ZNF804B: variants seen among roughly 807,000 people sequenced by gnomAD.
The protein encoded by ZNF804B is zinc finger protein 804B.
A neutral mutation model predicts 101.4 loss-of-function variants in ZNF804B; 80 were observed. The observed-to-expected ratio is 0.79, with a 90% CI of 0.66 to 0.95. The LOEUF is 0.95. Among genes scored for constraint, ZNF804B ranks in the 40% least tolerant of loss-of-function variants. ZNF804B has a pLI of 0.00. For synonymous variants in ZNF804B, 622 were observed against 558.8 expected (o/e 1.11, Z -1.59); for missense variants, 1,673 against 1,561.9 (o/e 1.07, Z -1.20).
At chr7:88,882,169 A>G (rs1314403429) in intron 1 of ZNF804B, among the ~76,000 whole-genome samples, 2 of 152,162 alleles carry the variant, frequency 1.3e-5, no homozygotes, top group African/African-American at 4.8e-5. Flanking sequence ...TCATTTTTAG[A>G]ATTAACAATG....
chr7:88,822,927 T>C (rs778553294), intron 1 of ZNF804B, among the ~76,000 whole-genome samples: 1 of 152,076 alleles, frequency 6.6e-6, no homozygotes, highest in African/African-American at 2.4e-5. Context: ...ATGCAATAAA[T>C]AGGCCGGACA....
At chr7:89,193,490 GTGT>G (rs1316171054) in intron 1 of ZNF804B, among the ~76,000 whole-genome samples, 1 of 121,254 alleles carries the variant, frequency 8.2e-6, no homozygotes, top group African/African-American at 3.3e-5. Flanking sequence ...AGTCCCCAGA[GTGT>G]GATGTTCCCC....
chr7:89,255,686 T>C (rs1012542199), intron 2 of ZNF804B, among the ~76,000 whole-genome samples: 1 of 152,164 alleles, frequency 6.6e-6, no homozygotes, highest in Non-Finnish European at 1.5e-5. Flanking sequence ...GAAATAATTT[T>C]TTAATAAAAT....
chr7:88,901,512 A>G (rs564289088), intron 1 of ZNF804B, among the ~76,000 whole-genome samples: 1 of 151,818 alleles, frequency 6.6e-6, no homozygotes, highest in Non-Finnish European at 1.5e-5. Context: ...GCATTCCATT[A>G]TCCTTGTACA....
Position 89,239,309 on chromosome 7 carries a change from A to G in ZNF804B, c.249+21014A>G, listed in dbSNP as rs1012664690. On this transcript the variant is annotated intron_variant, in intron 2 of 3. Coordinates refer to ENST00000333190, the MANE Select transcript of ZNF804B (RefSeq NM_181646.5). ...CTGCCAATCAGGAAATGAGATGGCA[A>G]CCACAACATCATTTCTGAACTCTTC... Among the ~76,000 whole-genome samples, 4 of 152,146 alleles carry G rather than the reference A, an allele frequency of 2.6e-5. No homozygotes were observed. In the East Asian group the frequency reaches 7.7e-4, roughly 29 times the overall value.
chr7:88,925,400 C>T (rs193198340), intron 1 of ZNF804B, among the ~76,000 whole-genome samples: 20 of 152,126 alleles, frequency 1.3e-4, no homozygotes, highest in African/African-American at 3.9e-4. Flanking sequence ...TCTAAATAGG[C>T]GACTACATTA....
intron 2 of ZNF804B, among the ~76,000 whole-genome samples, chr7:89,273,926 GATT>G (rs1789936423): frequency 8.7e-6 from 1 of 115,340 alleles, no homozygotes; most frequent in South Asian, 2.9e-4. Flanking sequence ...CTCAATAAGA[GATT>G]TTTTTCTTTT....
chr7:89,333,874 A>G lies in ZNF804B; in HGVS notation c.892A>G (p.Ile298Val). The G allele has an allele frequency of 6.2e-7, 1 of 1,613,428 alleles. No homozygotes were observed. Among genetic ancestry groups the G allele is most frequent in the Non-Finnish European group, 8.5e-7 (1 of 1,179,716 alleles). ...LESVLHNTIS[I>V]NSKILQDKHD... ...AAGTGTTTTACACAATACCATCTCCATAAACTCTAAAATTTTGCAAGACAA... is the reference window on the plus strand; with the variant it reads ...AAGTGTTTTACACAATACCATCTCCGTAAACTCTAAAATTTTGCAAGACAA... Residue 298 changes from isoleucine to valine, a missense_variant, in exon 4 of 4, where the codon ATA becomes GTA. Coordinates refer to ENST00000333190, the MANE Select transcript of ZNF804B (RefSeq NM_181646.5).
chr7:88,899,215 AT>A (rs910903363), intron 1 of ZNF804B, among the ~76,000 whole-genome samples: 7 of 152,060 alleles, frequency 4.6e-5, no homozygotes, highest in South Asian at 2.1e-4. Flanking sequence ...ATCTTCAACA[AT>A]TTTTTTTCTT....
At chr7:89,105,567 G>C (rs147112584) in intron 1 of ZNF804B, among the ~76,000 whole-genome samples, 1 of 152,020 alleles carries the variant, frequency 6.6e-6, no homozygotes, top group Non-Finnish European at 1.5e-5. Context: ...CACCAACTGG[G>C]TAGGGGAAAA....
chr7:88,771,091 G>C (rs1433749270), intron 1 of ZNF804B, among the ~76,000 whole-genome samples: 1 of 152,030 alleles, frequency 6.6e-6, no homozygotes, highest in Non-Finnish European at 1.5e-5. Context: ...ACTTTACCCA[G>C]ATGTTTCCCT....
At chr7:89,157,017 A>G (rs1197225778) in intron 1 of ZNF804B, among the ~76,000 whole-genome samples, 1 of 152,118 alleles carries the variant, frequency 6.6e-6, no homozygotes, top group Non-Finnish European at 1.5e-5. Flanking sequence ...ACTTGAAATC[A>G]CCCTCATTTA....
intron 1 of ZNF804B, among the ~76,000 whole-genome samples, chr7:89,091,000 G>A (rs76289295): frequency 6.6e-6 from 1 of 152,112 alleles, no homozygotes; most frequent in African/African-American, 2.4e-5. Context: ...AAGTTTGGAC[G>A]TAAGTATTGA....
intron 1 of ZNF804B, among the ~76,000 whole-genome samples, chr7:88,989,265 G>A (rs1417641556): frequency 6.6e-6 from 1 of 151,904 alleles, no homozygotes; most frequent in African/African-American, 2.4e-5. Context: ...CAAAGTGCTG[G>A]GATTATTACC....
At chr7:89,219,989 GCATATATGTATA>G in intron 2 of ZNF804B, among the ~76,000 whole-genome samples, 2 of 137,884 alleles carry the variant, frequency 1.5e-5, no homozygotes, top group African/African-American at 5.7e-5. Context: ...ACATATGTGT[GCATATATGTATA>G]TGCACATATA....
intron 2 of ZNF804B, among the ~76,000 whole-genome samples, chr7:89,237,378 A>G (rs1789300100): frequency 6.6e-6 from 1 of 152,142 alleles, no homozygotes; most frequent in Non-Finnish European, 1.5e-5. Context: ...CACATCATTC[A>G]TCCTTACTGA....
chr7:89,323,445 C>T (rs1790850027), intron 2 of ZNF804B, among the ~76,000 whole-genome samples: 1 of 152,046 alleles, frequency 6.6e-6, no homozygotes, highest in South Asian at 2.1e-4. Context: ...AATATTTATC[C>T]TATGAATGTG....
At chr7:88,962,152 A>G (rs1793394284) in intron 1 of ZNF804B, among the ~76,000 whole-genome samples, 3 of 151,280 alleles carry the variant, frequency 2.0e-5, no homozygotes, top group Non-Finnish European at 4.4e-5. Flanking sequence ...TGAGGTTTTT[A>G]TAGACCTAAA....
intron 1 of ZNF804B, among the ~76,000 whole-genome samples, chr7:89,074,385 C>G (rs1474977027): frequency 6.6e-6 from 1 of 152,138 alleles, no homozygotes; most frequent in African/African-American, 2.4e-5. Flanking sequence ...TGGGAGGTGA[C>G]TGAATTAAGC....
Sources: allele counts gnomAD v4.1 joint callset (sites outside exome capture counted in the v4.1 genomes callset), GRCh38; gene constraint gnomAD v4.1.1; transcripts MANE v1.5; gene names NCBI Gene and HGNC (gene_info 2026-07-23, HGNC 2026-07-21).